Variants in EVL observed in about 807,000 individuals in gnomAD.
EVL encodes Enah/Vasp-like, also known as ena/VASP-like protein.
In EVL, 21 loss-of-function variants were observed where a neutral mutation model predicts 59.6. The ratio of observed to expected loss-of-function variants is 0.35; its 90% CI spans 0.25 to 0.51. The LOEUF is 0.51. Ranked by LOEUF, EVL falls within the 20% of genes least tolerant of loss-of-function variation. EVL has a pLI of 0.97. For synonymous variants in EVL, 198 were observed against 203.5 expected (o/e 0.97, Z 0.23); for missense variants, 462 against 546.6 (o/e 0.85, Z 1.54).
At chr14:100,079,884 G>C (rs2062255485) in intron 1 of EVL, among the ~76,000 whole-genome samples, 1 of 152,052 alleles carries the variant, frequency 6.6e-6, no homozygotes, top group Non-Finnish European at 1.5e-5. Flanking sequence ...GGAGGGCCGT[G>C]CTGCAAGATT....
chr14:100,126,883 GC>G, intron 5 of EVL, 112 bp downstream of exon 5: 1 of 997,662 alleles, frequency 1.0e-6, no homozygotes, highest in Non-Finnish European at 1.5e-6. Flanking sequence ...GCTATGGGGA[GC>G]CTAGGTCTCA....
At chr14:100,005,723 T>TA (rs1345674712) in intron 1 of EVL, among the ~76,000 whole-genome samples, 1 of 151,990 alleles carries the variant, frequency 6.6e-6, no homozygotes, top group African/African-American at 2.4e-5. Context: ...GAGCTTCTTT[T>TA]AAAAAACTTT....
At chr14:99,988,066 C>T (rs2060850906) in intron 1 of EVL, among the ~76,000 whole-genome samples, 1 of 151,848 alleles carries the variant, frequency 6.6e-6, no homozygotes, top group Non-Finnish European at 1.5e-5. Flanking sequence ...AGGCATGCAC[C>T]ACCACACCCT....
intron 3 of EVL, among the ~76,000 whole-genome samples, chr14:100,111,528 G>A (rs1015279335): frequency 4.6e-5 from 7 of 152,134 alleles, no homozygotes; most frequent in African/African-American, 1.7e-4. Context: ...TGATAAAATA[G>A]ATGGGACTGT....
intron 1 of EVL, among the ~76,000 whole-genome samples, chr14:99,973,682 C>G (rs542874087): frequency 1.3e-5 from 2 of 152,158 alleles, no homozygotes; most frequent in African/African-American, 4.8e-5. Context: ...AGGCGGGTCT[C>G]GAACTCCTGA....
Position 100,097,651 on chromosome 14 carries a change from A to G in EVL, c.351A>G (p.Gln117=), listed in dbSNP as rs768934626. 6.2e-7 allele frequency: 1 copy of G among 1,610,314 alleles called. No individual in the cohort carries two copies. The highest frequency in any genetic ancestry group is 8.5e-7 in the Non-Finnish European group (1 of 1,178,074). ...TTGCCCTGAACATCATGAATTCCCAAGAAGGAGGTAAGTAGGGCTTTGTCT... is the reference window on the plus strand; with the variant it reads ...TTGCCCTGAACATCATGAATTCCCAGGAAGGAGGTAAGTAGGGCTTTGTCT... The part of the protein sequence containing the change: ...MLFALNIMNS[Q]EGGPSSQRQV... Residue 117 remains glutamine (Q), a synonymous_variant, in exon 3 of 14, where the codon CAA becomes CAG. Transcript: ENST00000392920.
chr14:100,143,236 A>G (rs939842532), intron 13 of EVL, among the ~76,000 whole-genome samples: 1 of 152,058 alleles, frequency 6.6e-6, no homozygotes, highest in African/African-American at 2.4e-5. Flanking sequence ...CCTGGGGTCC[A>G]GGGCCAAGAT....
At chr14:100,013,754 G>C (rs962116101) in intron 1 of EVL, among the ~76,000 whole-genome samples, 1 of 152,250 alleles carries the variant, frequency 6.6e-6, no homozygotes, top group African/African-American at 2.4e-5. Context: ...GGGCCATGCC[G>C]AGGGGCCAGG....
chr14:100,081,114 T>C (rs1020854304), intron 1 of EVL, among the ~76,000 whole-genome samples: 4 of 152,242 alleles, frequency 2.6e-5, no homozygotes, highest in Middle Eastern at 3.4e-3. Flanking sequence ...ACCCTGTCTC[T>C]ACAATAACAA....
intron 1 of EVL, among the ~76,000 whole-genome samples, chr14:100,017,475 A>G (rs116765541): frequency 0.019 from 2,904 of 152,314 alleles, 91 homozygotes; most frequent in African/African-American, 0.066. Flanking sequence ...GAAGATACTT[A>G]TGTAACTTAA....
rs560032325 is a variant in EVL at position 100,143,660 on chromosome 14, T to C, written c.1220-41T>C. ...GCCCTGATGAGGAACCGGGCTGCAC[T>C]GGTCATGGCTGCACCTGAGCCGCCG... On this transcript the variant is annotated intron_variant, in intron 13 of 13. Transcript: ENST00000392920. 22 of 1,565,602 alleles carry C rather than the reference T, an allele frequency of 1.4e-5. No homozygotes were observed. The African/African-American group carries it at 4.0e-4, about 28-fold the overall frequency.
chr14:100,000,513 C>G (rs570744708), intron 1 of EVL, among the ~76,000 whole-genome samples: 1 of 151,860 alleles, frequency 6.6e-6, no homozygotes, highest in Non-Finnish European at 1.5e-5. Flanking sequence ...ATGCCCGGCT[C>G]ATTTCTTGTA....
chr14:100,095,613 G>T (rs188527714), intron 2 of EVL, among the ~76,000 whole-genome samples: 1 of 152,064 alleles, frequency 6.6e-6, no homozygotes, highest in Non-Finnish European at 1.5e-5. Context: ...TATACCCCTG[G>T]CACAAAGAGC....
At chr14:100,064,313 G>A (rs779965689), upstream of EVL, among the ~76,000 whole-genome samples, 10 of 152,140 alleles carry the variant, frequency 6.6e-5, no homozygotes, top group East Asian at 1.9e-4. Flanking sequence ...AAGTACAGTC[G>A]TTCTCAATTT....
intron 1 of EVL, among the ~76,000 whole-genome samples, chr14:100,059,671 T>G (rs1435318981): frequency 6.6e-6 from 1 of 151,940 alleles, no homozygotes; most frequent in African/African-American, 2.4e-5. Flanking sequence ...AGGCATTCAG[T>G]TGAGATCCCA....
intron 1 of EVL, among the ~76,000 whole-genome samples, chr14:100,043,374 G>A (rs1340988912): frequency 6.8e-6 from 1 of 147,572 alleles, no homozygotes; most frequent in African/African-American, 2.5e-5. Context: ...GATTATGGAG[G>A]TTGTAAAGTC....
chr14:100,015,597 C>T (rs1339176123), intron 1 of EVL, among the ~76,000 whole-genome samples: 2 of 152,170 alleles, frequency 1.3e-5, no homozygotes, highest in African/African-American at 4.8e-5. Flanking sequence ...AGATCATTAG[C>T]GCCGGCAGGG....
intron 5 of EVL, 49 bp downstream of exon 5, chr14:100,126,820 G>A (rs370245219): frequency 1.3e-6 from 2 of 1,588,390 alleles, no homozygotes; most frequent in Non-Finnish European, 1.7e-6. Flanking sequence ...CTGCCAGGTG[G>A]CAGCCCCTCC....
At chr14:100,131,393 A>G (rs896589197) in intron 7 of EVL, among the ~76,000 whole-genome samples, 24 of 152,306 alleles carry the variant, frequency 1.6e-4, no homozygotes, top group African/African-American at 5.3e-4. Flanking sequence ...GCTCTCTGAA[A>G]TCCACCTCAG....
Sources: allele counts gnomAD v4.1 joint callset (sites outside exome capture counted in the v4.1 genomes callset), GRCh38; gene constraint gnomAD v4.1.1; transcripts MANE v1.5; gene names NCBI Gene and HGNC (gene_info 2026-07-23, HGNC 2026-07-21).